Variants in PCDH15 observed in about 807,000 individuals in gnomAD.
PCDH15 encodes protocadherin-15.
PCDH15 carries 129 observed loss-of-function variants against 178.5 expected under a neutral mutation model. The ratio of observed to expected loss-of-function variants is 0.72; its 90% CI spans 0.63 to 0.84. The LOEUF (loss-of-function observed/expected upper bound fraction) is 0.84. Ranked by LOEUF, PCDH15 falls within the 40% of genes least tolerant of loss-of-function variation. The pLI, the probability that PCDH15 is intolerant of heterozygous loss-of-function variation, is 0.00. For missense variants in PCDH15, 2,230 were observed against 2,099.9 expected (o/e 1.06, Z -1.21); for synonymous variants, 800 against 732.0 (o/e 1.09, Z -1.50).
intron 8 of PCDH15, among the ~76,000 whole-genome samples, chr10:54,301,275 G>C (rs763852322): frequency 6.6e-6 from 1 of 152,100 alleles, no homozygotes; most frequent in Non-Finnish European, 1.5e-5. Flanking sequence ...GGTAGAGTAA[G>C]ACACATATTT....
chr10:54,585,699 A>C (rs1272513328), intron 2 of PCDH15, among the ~76,000 whole-genome samples: 1 of 152,028 alleles, frequency 6.6e-6, no homozygotes, highest in Admixed American at 6.6e-5. Context: ...ACTCATTGGT[A>C]CTATTAGCTT....
At chr10:54,432,640 A>G (rs1957098800) in intron 3 of PCDH15, among the ~76,000 whole-genome samples, 1 of 152,104 alleles carries the variant, frequency 6.6e-6, no homozygotes, top group African/African-American at 2.4e-5. Flanking sequence ...AAAAAATTGA[A>G]GAAACTCTGC....
At chr10:54,816,502 C>T (rs1952951923) in intron 3 of PCDH15, among the ~76,000 whole-genome samples, 1 of 151,954 alleles carries the variant, frequency 6.6e-6, no homozygotes, top group African/African-American at 2.4e-5. Flanking sequence ...ATGCTTGTTG[C>T]CATGATGCCT....
intron 1 of PCDH15, among the ~76,000 whole-genome samples, chr10:54,678,195 G>A (rs1245806890): frequency 6.6e-6 from 1 of 152,022 alleles, no homozygotes; most frequent in Non-Finnish European, 1.5e-5. Context: ...TATGCACAAA[G>A]GGTTTCTTAA....
chr10:53,812,123 A>G (rs2075887743), intron 35 of PCDH15, among the ~76,000 whole-genome samples: 1 of 152,236 alleles, frequency 6.6e-6, no homozygotes, highest in African/African-American at 2.4e-5. Context: ...TCTGAGAACA[A>G]GAATTTAAGT....
At chr10:53,987,205 T>C (rs1044239861) in intron 21 of PCDH15, among the ~76,000 whole-genome samples, 1 of 152,112 alleles carries the variant, frequency 6.6e-6, no homozygotes, top group Non-Finnish European at 1.5e-5. Flanking sequence ...CTTCACACTT[T>C]ATAATTTATT....
At chr10:54,123,058 A>G (rs1590627224) in intron 15 of PCDH15, among the ~76,000 whole-genome samples, 2 of 152,150 alleles carry the variant, frequency 1.3e-5, no homozygotes, top group African/African-American at 4.8e-5. Flanking sequence ...AACTAAAACT[A>G]TAAGAATCCT....
chr10:55,375,291 G>GAAGT (rs1837365724), intron 2 of PCDH15, among the ~76,000 whole-genome samples: 1 of 152,098 alleles, frequency 6.6e-6, no homozygotes, highest in Non-Finnish European at 1.5e-5. Flanking sequence ...GAATGGCAGG[G>GAAGT]AAGTAATATT....
At chr10:54,511,077 A>C (rs2137748481) in intron 3 of PCDH15, among the ~76,000 whole-genome samples, 1 of 152,290 alleles carries the variant, frequency 6.6e-6, no homozygotes, top group Admixed American at 6.5e-5. Flanking sequence ...TTTATTTGGA[A>C]TGTAAACGTG....
chr10:54,020,270 A>C lies in PCDH15; in HGVS notation c.2673T>G (p.Ser891Arg), dbSNP rs1052481975. The C allele has an allele frequency of 6.2e-6, 10 of 1,613,802 alleles. No individual in the cohort carries two copies. In the African/African-American group the frequency reaches 1.3e-4, roughly 22 times the overall value. The change falls in exon 20 of 38, where the codon AGT becomes AGG. Residue 891 changes from serine (S) to arginine (R), a missense_variant. Physicochemically the swap from Ser to Arg is moderately radical, Grantham distance 110. Transcript: ENST00000644397. ...CAAAGGCCTCTACCAGAAAAGTGAT[A>C]CTTGCTTCTTGGTCTGGAAATGCCT... Reference protein sequence around the residue: ...DYEAFPDQEASITFLVEAFDI... With the variant: ...DYEAFPDQEARITFLVEAFDI...
chr10:54,280,973 C>T (rs1040480021), intron 8 of PCDH15, among the ~76,000 whole-genome samples: 3 of 151,658 alleles, frequency 2.0e-5, no homozygotes, highest in Admixed American at 6.6e-5. Context: ...TAAACAAAGG[C>T]AGTTTGTTTT....
intron 7 of PCDH15, among the ~76,000 whole-genome samples, chr10:54,327,444 T>A (rs1938395113): frequency 1.3e-5 from 2 of 148,858 alleles, no homozygotes; most frequent in South Asian, 4.2e-4. Flanking sequence ...TTATAATATA[T>A]AATTATAATA....
chr10:54,460,093 T>C (rs545071021), intron 3 of PCDH15, among the ~76,000 whole-genome samples: 3 of 152,240 alleles, frequency 2.0e-5, no homozygotes, highest in Non-Finnish European at 2.9e-5. Flanking sequence ...AATTTCACTA[T>C]TGAAACAGAG....
At position 54,025,479 on chromosome 10, in the gene PCDH15, G is replaced by A. The variant is rs983267946; in HGVS notation, c.2221-2282C>T. Reference sequence around the variant, plus strand: ...TTGCTAGAGGTCCCCATATCCCTTGGTTCATGACACATTTCCACCATTTTT... The same window carrying A: ...TTGCTAGAGGTCCCCATATCCCTTGATTCATGACACATTTCCACCATTTTT... On this transcript the variant is annotated intron_variant, in intron 18 of 37. Transcript: ENST00000644397. Among the ~76,000 whole-genome samples the A allele has an allele frequency of 5.3e-5, 8 of 150,562 alleles. No individual in the cohort carries two copies. In the South Asian group the frequency reaches 1.3e-3, roughly 24 times the overall value.
intron 2 of PCDH15, among the ~76,000 whole-genome samples, chr10:54,906,906 C>T (rs895248272): frequency 7.2e-5 from 11 of 152,120 alleles, no homozygotes; most frequent in Non-Finnish European, 1.5e-4. Flanking sequence ...GCAGAAATCA[C>T]ATTACCCTAA....
chr10:55,341,887 T>C (rs939107696), intron 2 of PCDH15, among the ~76,000 whole-genome samples: 4 of 142,886 alleles, frequency 2.8e-5, no homozygotes, highest in Non-Finnish European at 4.5e-5. Flanking sequence ...GACCTTGTGA[T>C]CTGCCCACCT....
At chr10:55,354,995 T>C (rs1845040218) in intron 2 of PCDH15, among the ~76,000 whole-genome samples, 1 of 151,974 alleles carries the variant, frequency 6.6e-6, no homozygotes, top group African/African-American at 2.4e-5. Flanking sequence ...TTAAATGTAA[T>C]TGGAAAGGAA....
chr10:54,094,527 T>TG (rs1404122821), intron 15 of PCDH15, among the ~76,000 whole-genome samples: 1 of 152,016 alleles, frequency 6.6e-6, no homozygotes, highest in African/African-American at 2.4e-5. Context: ...AAAACAGGCC[T>TG]GGTGAGTTTC....
At position 54,585,286 on chromosome 10, in the gene PCDH15, A is replaced by G. The variant is rs191511252; in HGVS notation, c.92-57409T>C. Reference sequence around the variant, plus strand: ...CCAGTTTCTGATTTGGTACTCCCCAAGTAGCAATTTCCTATGAATTACCGT... The same window carrying G: ...CCAGTTTCTGATTTGGTACTCCCCAGGTAGCAATTTCCTATGAATTACCGT... On this transcript the variant is annotated intron_variant, in intron 2 of 37. Coordinates refer to ENST00000644397, the MANE Select transcript of PCDH15 (RefSeq NM_001384140.1). Among the ~76,000 whole-genome samples, 524 of 152,274 alleles carry G rather than the reference A, an allele frequency of 3.4e-3. 8 individuals are homozygous for G. Among genetic ancestry groups the G allele is most frequent in the African/African-American group, 0.012 (503 of 41,570 alleles).
Sources: gnomAD v4.1 joint callset for allele counts (sites outside exome capture counted in the v4.1 genomes callset) on GRCh38, gnomAD v4.1.1 for gene constraint, MANE v1.5 for transcripts, NCBI Gene and HGNC (gene_info 2026-07-23, HGNC 2026-07-21) for gene names.